The following PLXND1 variants were observed in gnomAD, a reference collection of about 807,000 sequenced individuals.
PLXND1 encodes plexin-D1.
In PLXND1, 54 loss-of-function variants were observed where a neutral mutation model predicts 197.7. The ratio of observed to expected loss-of-function variants is 0.27; its 90% CI spans 0.22 to 0.34. PLXND1 has a LOEUF of 0.34. PLXND1 is among the 10% of genes least tolerant of loss of function. The probability of loss-of-function intolerance (pLI) is 1.00; values close to 1 mark genes in which losing one functional copy is unlikely to be tolerated. For synonymous variants in PLXND1, 1,180 were observed against 1,161.2 expected (o/e 1.02, Z -0.33); for missense variants, 2,127 against 2,699.2 (o/e 0.79, Z 4.70).
intron 2 of PLXND1, 96 bp from the exon 3 acceptor site, chr3:129,586,815 C>T: frequency 7.0e-7 from 1 of 1,419,340 alleles, no homozygotes; most frequent in Non-Finnish European, 9.6e-7. Context: ...CTCTGCCTCC[C>T]CATCCTGTCT....
rs1293543085 is a variant in PLXND1 at position 129,563,201 on chromosome 3, T to C, written c.4561A>G (p.Ile1521Val). 1.2e-6 allele frequency: 2 copies of C among 1,612,776 alleles called. No individual in the cohort carries two copies. Residue 1521 changes from isoleucine to valine, a missense_variant, in exon 26 of 36, where the codon ATC (isoleucine) becomes GTC (valine). Coordinates refer to ENST00000324093, the MANE Select transcript of PLXND1 (RefSeq NM_015103.3). ...GEPFFLLLCA[I>V]KQQINKGSID... is the part of the protein sequence containing the mutation. ...GAGCCCTTGTTGATTTGCTGCTTGA[T>C]GGCACACAGCAGCAGGAAGAATGGC...
chr3:129,576,085 G>A (rs1401578557), intron 9 of PLXND1, among the ~76,000 whole-genome samples: 4 of 152,206 alleles, frequency 2.6e-5, no homozygotes, highest in Non-Finnish European at 5.9e-5. Context: ...GGCCTCATGC[G>A]CTCAGCACCA....
chr3:129,595,737 C>G (rs2085610522), intron 1 of PLXND1, among the ~76,000 whole-genome samples: 1 of 152,240 alleles, frequency 6.6e-6, no homozygotes, highest in Non-Finnish European at 1.5e-5. Flanking sequence ...AGGGCTGAAG[C>G]CAGCCAGCCA....
intron 22 of PLXND1, 61 bp downstream of exon 22, chr3:129,567,431 G>T: frequency 3.1e-6 from 3 of 957,622 alleles, no homozygotes; most frequent in Non-Finnish European, 5.0e-6. Flanking sequence ...AGGGCTCAGA[G>T]AGGTCGAGTT....
chr3:129,593,795 A>G (rs2085580796), intron 1 of PLXND1, among the ~76,000 whole-genome samples: 2 of 152,138 alleles, frequency 1.3e-5, no homozygotes, highest in Admixed American at 1.3e-4. Context: ...TGCTAGCTTC[A>G]GTTCCTGTAA....
chr3:129,566,934 G>C (rs2085149630), intron 22 of PLXND1, among the ~76,000 whole-genome samples: 1 of 152,228 alleles, frequency 6.6e-6, no homozygotes, highest in South Asian at 2.1e-4. Context: ...AAAGCTACTG[G>C]AGGGTTTCGT....
In PLXND1 at chr3:129,573,683, C is replaced by T; in HGVS notation, c.2748G>A (p.Leu916=). 1.9e-6 allele frequency: 3 copies of T among 1,613,778 alleles called. No homozygotes were observed. The South Asian group carries it at 3.3e-5, about 18-fold the overall frequency. ...GGGCCACGTCACTGAGCCGCCGGCCCAGGTTCCTTCCTCGGATGGTCAGCA... is the reference window on the plus strand; with the variant it reads ...GGGCCACGTCACTGAGCCGCCGGCCTAGGTTCCTTCCTCGGATGGTCAGCA... ...GTLLTIRGRN[L]GRRLSDVAHG... Residue 916 remains leucine (L), a synonymous_variant, in exon 13 of 36, where the codon CTG becomes CTA. Transcript: ENST00000324093.
chr3:129,586,581 G>A lies in PLXND1; in HGVS notation c.1620+7C>T. The A allele has an allele frequency of 6.4e-7, 1 of 1,564,656 alleles. No homozygotes were observed. Among genetic ancestry groups the A allele is most frequent in the Non-Finnish European group, 8.7e-7 (1 of 1,153,842 alleles). On this transcript the variant is annotated splice_region_variant and intron_variant, in intron 3 of 35. Transcript: ENST00000324093. The stretch of plus-strand genomic sequence containing the variant: ...GGGATGGCGTTGGGCTGGGGCTCTG[G>A]CCTCACCTGGTGGGACGTCATCAGG...
Position 129,605,976 on chromosome 3 carries a change from G to C in PLXND1, c.664C>G (p.Pro222Ala). 1 of 1,611,122 alleles carries C rather than the reference G, an allele frequency of 6.2e-7. No homozygotes were observed. ...TGGTCCTCCAGGCTGCGGTTGCGCG[G>C]GAAGAAGGAGCTGCCGTAACCGGTG... ...TYTGYGSSFF[P>A]RNRSLEDHRF... Residue 222 changes from proline (P) to alanine (A), a missense_variant, in exon 1 of 36, where the codon CCG (proline) becomes GCG (alanine). Coordinates refer to ENST00000324093, the MANE Select transcript of PLXND1 (RefSeq NM_015103.3).
intron 25 of PLXND1, among the ~76,000 whole-genome samples, chr3:129,564,250 A>T (rs2085105160): frequency 1.3e-5 from 2 of 152,378 alleles, no homozygotes; most frequent in Admixed American, 1.3e-4. Flanking sequence ...CCCCAGGCTC[A>T]GGGGCAGAGG....
In PLXND1 at chr3:129,574,292, G is replaced by A. The variant is rs549479724; in HGVS notation, c.2685+44C>T. 17 of 1,532,430 alleles carry A rather than the reference G, an allele frequency of 1.1e-5. No homozygotes were observed. The Middle Eastern group carries it at 8.9e-4, about 81-fold the overall frequency. The allele number at this position is 1,532,430 out of a possible 1,614,324, so 94.9% of individuals were successfully genotyped here. A position where few individuals can be genotyped will look rare whatever the true frequency, so the allele number is the denominator to read the frequency against. ...CCCTCGAGGGCACTGCGCATGCGCC[G>A]TGCCGGAGTGCGGGTGCCACGTGCC... On this transcript the variant is annotated intron_variant, in intron 12 of 35. Transcript: ENST00000324093.
Position 129,560,678 on chromosome 3 carries a change from TG to T in PLXND1, c.5028+10del. 6.2e-7 allele frequency: 1 copy of T among 1,600,052 alleles called. No homozygotes were observed. The highest frequency in any genetic ancestry group is 8.6e-7 in the Non-Finnish European group (1 of 1,167,214). On this transcript the variant is annotated intron_variant, in intron 30 of 35. Coordinates refer to ENST00000324093, the MANE Select transcript of PLXND1 (RefSeq NM_015103.3). ...GGGCTGGATCCCCCGGGGCCGAGGT[TG>T]GGCACTCACCAAATGGAAATACTTC...
At chr3:129,556,982 C>T (rs1560056098) in intron 34 of PLXND1, 101 bp downstream of exon 34, 60 of 1,296,490 alleles carry the variant, frequency 4.6e-5, no homozygotes, top group East Asian at 3.5e-4. Flanking sequence ...ATGCCCTCTG[C>T]GCTCCCTGCC....
chr3:129,571,040 G>A lies in PLXND1; in HGVS notation c.3600C>T (p.His1200=), dbSNP rs1475536558. Residue 1200 remains histidine, a splice_region_variant and synonymous_variant, in exon 18 of 36, where the codon CAC becomes CAT. Transcript: ENST00000324093. ...HPGEPLTLVI[H]KEQDSLGLQS... ...CTACCCCGGCCCCTTTGGTGCTCACGTGGATAACGAGGGTGAGAGGCTCCC... is the reference window on the plus strand; with the variant it reads ...CTACCCCGGCCCCTTTGGTGCTCACATGGATAACGAGGGTGAGAGGCTCCC... 9.9e-6 allele frequency: 16 copies of A among 1,613,654 alleles called. No homozygotes were observed. Among genetic ancestry groups the A allele is most frequent in the East Asian group, 2.2e-5 (1 of 44,878 alleles).
chr3:129,566,153 A>G, intron 23 of PLXND1, 136 bp from the exon 24 acceptor site: 1 of 832,526 alleles, frequency 1.2e-6, no homozygotes. Context: ...GATGCCTCCT[A>G]ACCTTTGTGA....
chr3:129,589,310 T>TGCCCCCCCCCCCCCCCCCCCCCCCC, intron 2 of PLXND1, 41 bp downstream of exon 2: 40 of 501,268 alleles, frequency 8.0e-5, no homozygotes, highest in Middle Eastern at 6.1e-4. Context: ...CAGGGGAGCC[T>TGCCCCCCCCCCCCCCCCCCCCCCCC]CCCACCCCCA....
chr3:129,575,927 C>T, intron 9 of PLXND1, 72 bp from the exon 10 acceptor site: 3 of 861,330 alleles, frequency 3.5e-6, no homozygotes, highest in Non-Finnish European at 5.9e-6. Flanking sequence ...CTAACTCCAG[C>T]AGGACACCAC....
rs752929282 is a variant in PLXND1, at chr3:129,570,795, C to T, written c.3741G>A (p.Leu1247=). The change falls in exon 19 of 36, where the codon CTG becomes CTA. Residue 1247 remains leucine (L), a synonymous_variant. Transcript: ENST00000324093. ...NESLGAAVGQ[L]PITIQVGNFN... is the part of the protein sequence containing the mutation. ...CGCCCCATCCACTCACTGTGATGGG[C>T]AGCTGCCCCACGGCCGCGCCCAGGG... 2.5e-6 allele frequency: 4 copies of T among 1,614,056 alleles called. No individual in the cohort carries two copies. Among genetic ancestry groups the T allele is most frequent in the Middle Eastern group, 1.7e-4 (1 of 6,060 alleles).
chr3:129,575,539 C>T lies in PLXND1; in HGVS notation c.2460G>A (p.Gln820=), dbSNP rs552690366. 2.1e-4 allele frequency: 329 copies of T among 1,557,174 alleles called. 4 individuals are homozygous for T. The South Asian group carries it at 3.6e-3, about 17-fold the overall frequency. The stretch of plus-strand genomic sequence containing the variant: ...TTAGTTGGAGGCTGAGCGGGAACAC[C>T]TGGCTCTTCCGGGTCGTGTGCAGCT... ...QVVLHTTRKS[Q]VFPLSLQLKG... The change falls in exon 11 of 36, where the codon CAG becomes CAA. Residue 820 remains glutamine (Q), a synonymous_variant. Coordinates refer to ENST00000324093, the MANE Select transcript of PLXND1 (RefSeq NM_015103.3).
Sources: allele counts gnomAD v4.1 joint callset (sites outside exome capture counted in the v4.1 genomes callset), GRCh38; gene constraint gnomAD v4.1.1; transcripts MANE v1.5; gene names NCBI Gene and HGNC (gene_info 2026-07-23, HGNC 2026-07-21).